The following DOCK10 variants were observed in gnomAD, a reference collection of about 807,000 sequenced individuals.
DOCK10 encodes dedicator of cytokinesis 10.
Under a neutral mutation model 280.1 loss-of-function variants are expected in DOCK10, and 145 were observed. That is an observed-to-expected ratio of 0.52 (90% CI 0.45 to 0.59). The LOEUF (loss-of-function observed/expected upper bound fraction) is 0.59. Ranked by LOEUF, DOCK10 falls within the 20% of genes least tolerant of loss-of-function variation. The pLI is 0.00. For missense variants in DOCK10, 2,368 were observed against 2,651.7 expected (o/e 0.89, Z 2.35); for synonymous variants, 915 against 942.2 (o/e 0.97, Z 0.53).
chr2:224,852,356 C>G lies in DOCK10; in HGVS notation c.2142+21G>C, dbSNP rs61731597. 2.8e-3 allele frequency: 4,406 copies of G among 1,557,738 alleles called. 106 individuals carry two copies. The African/African-American group carries it at 0.049, about 17-fold the overall frequency. ...CCTGCCTTCCCACTTTATGCTGGGT[C>G]CCTTTGCTGACTTGGCTCACCTTCA... On this transcript the variant is annotated intron_variant, in intron 18 of 55. Transcript: ENST00000258390.
At chr2:224,823,423 G>T in intron 28 of DOCK10, 78 bp downstream of exon 28, 1 of 1,265,584 alleles carries the variant, frequency 7.9e-7, no homozygotes, top group Non-Finnish European at 1.0e-6. Flanking sequence ...ATGAAGATGT[G>T]AACTGATGAA....
chr2:224,865,116 T>C, intron 11 of DOCK10, 29 bp from the exon 12 acceptor site: 1 of 1,601,986 alleles, frequency 6.2e-7, no homozygotes, highest in South Asian at 1.1e-5. Flanking sequence ...ACAGATGTTT[T>C]TGATATAAAA....
intron 2 of DOCK10, among the ~76,000 whole-genome samples, chr2:224,927,640 C>T (rs1702108855): frequency 6.6e-6 from 1 of 152,208 alleles, no homozygotes; most frequent in Non-Finnish European, 1.5e-5. Flanking sequence ...CTCGGTATTT[C>T]TTAACCATAA....
At chr2:224,800,435 C>G (rs1055343983) in intron 40 of DOCK10, among the ~76,000 whole-genome samples, 172 bp from the exon 41 acceptor site, 1 of 152,100 alleles carries the variant, frequency 6.6e-6, no homozygotes, top group African/African-American at 2.4e-5. Flanking sequence ...ATTAAAAGTA[C>G]TAGAGTCTTT....
intron 1 of DOCK10, among the ~76,000 whole-genome samples, chr2:224,962,514 G>A (rs1197572972): frequency 1.3e-5 from 2 of 152,164 alleles, no homozygotes; most frequent in East Asian, 1.9e-4. Context: ...AAAAGGATTT[G>A]TTGCTTTTGA....
chr2:224,882,946 C>T (rs975818453), intron 7 of DOCK10, among the ~76,000 whole-genome samples: 1 of 152,184 alleles, frequency 6.6e-6, no homozygotes, highest in African/African-American at 2.4e-5. Context: ...TGACAAGTGA[C>T]CCAGGTTTTG....
intron 31 of DOCK10, among the ~76,000 whole-genome samples, chr2:224,813,565 T>A (rs1693926923): frequency 6.6e-6 from 1 of 152,260 alleles, no homozygotes; most frequent in African/African-American, 2.4e-5. Context: ...CAACCTGCTG[T>A]CTGCTAGCAC....
At chr2:224,980,574 C>T (rs1460520230) in intron 1 of DOCK10, among the ~76,000 whole-genome samples, 3 of 152,056 alleles carry the variant, frequency 2.0e-5, no homozygotes, top group Non-Finnish European at 4.4e-5. Flanking sequence ...TTTGGAGTGG[C>T]CCAGAAGAAA....
intron 47 of DOCK10, among the ~76,000 whole-genome samples, chr2:224,792,586 T>A (rs1692276445): frequency 6.6e-6 from 1 of 152,308 alleles, no homozygotes; most frequent in South Asian, 2.1e-4. Context: ...CCTGGCCCTA[T>A]CTTTTATTTG....
chr2:224,827,542 G>A (rs1329984100), intron 27 of DOCK10, among the ~76,000 whole-genome samples: 4 of 152,162 alleles, frequency 2.6e-5, no homozygotes, highest in South Asian at 2.1e-4. Context: ...GGAACTAGAA[G>A]AGAATTTTAG....
At chr2:224,818,166 G>A (rs1220703701) in intron 29 of DOCK10, among the ~76,000 whole-genome samples, 1 of 152,072 alleles carries the variant, frequency 6.6e-6, no homozygotes, top group East Asian at 1.9e-4. Flanking sequence ...TTACTGTCAG[G>A]CCCCACGTAA....
intron 4 of DOCK10, among the ~76,000 whole-genome samples, chr2:224,888,115 A>G (rs1381294463): frequency 6.6e-6 from 1 of 152,148 alleles, no homozygotes; most frequent in African/African-American, 2.4e-5. Context: ...CTGCACTCCC[A>G]TCATCATTGT....
Position 224,773,157 on chromosome 2 carries a change from C to G in DOCK10, c.6204G>C (p.Lys2068Asn). ...QLKLQGSVSVKVNAGPMAYAR... is the reference protein window; with the variant it reads ...QLKLQGSVSVNVNAGPMAYAR... ...TCAGCCCTGGGCAATGCTTACTCAC[C>G]TTCACGCTGACACTTCCTTGCAGTT... Residue 2068 changes from lysine (K) to asparagine (N), a missense_variant and splice_region_variant, in exon 53 of 56, where the codon AAG becomes AAC. By Grantham distance (94) the Lys-to-Asn change is moderately conservative. Around this residue, in one of 2 missense-constraint regions of DOCK10, gnomAD observed 1,159 missense variants for 1,400.8 expected, o/e 0.83. Coordinates refer to ENST00000258390, the MANE Select transcript of DOCK10 (RefSeq NM_014689.3). 6.2e-7 allele frequency: 1 copy of G among 1,609,444 alleles called. No individual in the cohort carries two copies. The highest frequency in any genetic ancestry group is 8.5e-7 in the Non-Finnish European group (1 of 1,176,770).
intron 29 of DOCK10, 33 bp from the exon 30 acceptor site, chr2:224,816,746 T>A (rs764373060): frequency 1.7e-6 from 2 of 1,200,760 alleles, no homozygotes. Context: ...GACTATGACT[T>A]ACAGACCAAG....
chr2:224,899,857 G>A (rs943249791), intron 3 of DOCK10, among the ~76,000 whole-genome samples: 1 of 152,170 alleles, frequency 6.6e-6, no homozygotes. Flanking sequence ...TTCTAAGTTA[G>A]CAAAATGAAA....
At chr2:224,887,256 C>T (rs1259477363) in intron 4 of DOCK10, among the ~76,000 whole-genome samples, 1 of 152,134 alleles carries the variant, frequency 6.6e-6, no homozygotes, top group Non-Finnish European at 1.5e-5. Context: ...ACAGTAGTCA[C>T]TGGAAGAGCC....
chr2:224,801,781 T>TA, intron 40 of DOCK10, 135 bp downstream of exon 40: 2 of 970,372 alleles, frequency 2.1e-6, no homozygotes. Flanking sequence ...CACTCCCTGG[T>TA]GAGTCTTTCC....
intron 1 of DOCK10, among the ~76,000 whole-genome samples, chr2:225,002,043 T>G (rs1181484341): frequency 6.6e-6 from 1 of 152,122 alleles, no homozygotes; most frequent in Non-Finnish European, 1.5e-5. Flanking sequence ...CGTAATTCAG[T>G]CAGGGGGATT....
chr2:224,938,355 C>T (rs796319773), intron 1 of DOCK10, among the ~76,000 whole-genome samples: 5 of 152,236 alleles, frequency 3.3e-5, no homozygotes, highest in African/African-American at 1.2e-4. Context: ...ACTATTCATC[C>T]TAGTTAATGA....
Sources: allele counts gnomAD v4.1 joint callset (sites outside exome capture counted in the v4.1 genomes callset), GRCh38; gene constraint gnomAD v4.1.1; regional missense constraint gnomAD v4.1.1; transcripts MANE v1.5; gene names NCBI Gene and HGNC (gene_info 2026-07-23, HGNC 2026-07-21).